ULBP3: variants seen among roughly 807,000 people sequenced by gnomAD.
ULBP3 encodes UL16 binding protein 3.
ULBP3 carries 25 observed loss-of-function variants against 24.9 expected under a neutral mutation model. The ratio of observed to expected loss-of-function variants is 1.00; its 90% CI spans 0.73 to 1.40. The LOEUF is 1.40. ULBP3 is among the 40% of genes most tolerant of loss of function. The probability of loss-of-function intolerance (pLI) is 0.00; values close to 1 mark genes in which losing one functional copy is unlikely to be tolerated. For missense variants in ULBP3, 306 were observed against 307.5 expected, an observed-to-expected ratio of 1.00 and a Z score of 0.04; for synonymous variants, 114 against 114.7, an observed-to-expected ratio of 0.99 and a Z score of 0.04.
intron 1 of ULBP3, 37 bp downstream of exon 1, chr6:150,068,942 G>T (rs1277991258): frequency 1.3e-6 from 2 of 1,558,012 alleles, no homozygotes; most frequent in African/African-American, 1.3e-5. Flanking sequence ...CCCCAGGTTT[G>T]GCCCCCGCCC....
In ULBP3 at chr6:150,065,908, T is replaced by C; in HGVS notation, c.343A>G (p.Thr115Ala). The C allele has an allele frequency of 1.2e-6, 2 of 1,614,132 alleles. No individual in the cohort carries two copies. The highest frequency in any genetic ancestry group is 1.1e-5 in the South Asian group (1 of 91,078). Residue 115 changes from threonine (T) to alanine (A), a missense_variant, in exon 2 of 5, where the codon ACA becomes GCA. Thr to Ala is a moderately conservative substitution (Grantham distance 58, BLOSUM62 0). Transcript: ENST00000367339. The stretch of plus-strand genomic sequence containing the variant: ...GGTCTCTTTCACTCACCACTGGGTG[T>C]GAAATCCTCCAGCTCAGTGTCAGCC... ...ELADTELEDF[T>A]PSGPLTLQVR...
intron 4 of ULBP3, among the ~76,000 whole-genome samples, chr6:150,064,253 G>C (rs1776313642): frequency 6.6e-6 from 1 of 152,266 alleles, no homozygotes; most frequent in Non-Finnish European, 1.5e-5. Context: ...AGTTCCTGCT[G>C]CCTGCAGGCC....
chr6:150,062,371 T>C lies in ULBP3; in HGVS notation c.*1003A>G, dbSNP rs956161684. Among the ~76,000 whole-genome samples, 1 of 152,188 alleles carries C rather than the reference T, an allele frequency of 6.6e-6. No individual in the cohort carries two copies. The highest frequency in any genetic ancestry group is 1.9e-4 in the East Asian group (1 of 5,192). On this transcript the variant is annotated 3_prime_UTR_variant, in exon 5 of 5. Transcript: ENST00000367339. ...TCACAGTTTTATTACCTGCGCAACA[T>C]AGGAAGACCCAATCTCTACCTAAAT...
chr6:150,067,386 A>C (rs935293167), intron 1 of ULBP3, among the ~76,000 whole-genome samples: 6 of 152,026 alleles, frequency 3.9e-5, no homozygotes, highest in African/African-American at 1.4e-4. Flanking sequence ...AACAGCAAAT[A>C]CTCAGACACT....
chr6:150,066,447 G>A (rs375924661), intron 1 of ULBP3, among the ~76,000 whole-genome samples: 18 of 152,330 alleles, frequency 1.2e-4, no homozygotes, highest in African/African-American at 3.6e-4. Context: ...GAGCAGCCCA[G>A]GTGGACTGCA....
intron 4 of ULBP3, 97 bp downstream of exon 4, chr6:150,064,488 G>C: frequency 6.3e-6 from 7 of 1,119,308 alleles, no homozygotes; most frequent in Non-Finnish European, 9.3e-6. Context: ...AGAAGGTCCC[G>C]GCCATGGGGA....
chr6:150,066,255 C>T, intron 1 of ULBP3, 93 bp from the exon 2 acceptor site: 1 of 1,400,982 alleles, frequency 7.1e-7, no homozygotes, highest in South Asian at 1.4e-5. Context: ...AAGGGCTGGG[C>T]TGGCAGAGCA....
Position 150,061,690 on chromosome 6 carries a change from A to G in ULBP3, c.*1684T>C, listed in dbSNP as rs938726664. Among the ~76,000 whole-genome samples, 2 of 152,218 alleles carry G rather than the reference A, an allele frequency of 1.3e-5. No homozygotes were observed. Among genetic ancestry groups the G allele is most frequent in the Admixed American group, 6.5e-5 (1 of 15,284 alleles). ...CTTAGGTTGATTCTGTGTCCTTGCT[A>G]GTAAGAATAGCACTGTAATGAACAT... On this transcript the variant is annotated 3_prime_UTR_variant, in exon 5 of 5. Coordinates refer to ENST00000367339, the MANE Select transcript of ULBP3 (RefSeq NM_024518.3).
Position 150,065,957 on chromosome 6 carries a change from C to A in ULBP3, c.294G>T (p.Val98=), listed in dbSNP as rs780058354. The A allele has an allele frequency of 6.2e-7, 1 of 1,614,232 alleles. No homozygotes were observed. Among genetic ancestry groups the A allele is most frequent in the Non-Finnish European group, 8.5e-7 (1 of 1,180,046 alleles). The change falls in exon 2 of 5, where the codon GTG becomes GTT. Residue 98 remains valine, a synonymous_variant. Transcript: ENST00000367339. ...WGKQLEMLRE[V]GQRLRLELAD... The stretch of plus-strand genomic sequence containing the variant: ...CCAGTTCCAGTCTGAGCCTCTGCCC[C>A]ACCTCTCTCAGCATTTCCAGTTGTT...
intron 4 of ULBP3, 35 bp downstream of exon 4, chr6:150,064,550 G>A: frequency 6.3e-7 from 1 of 1,578,256 alleles, no homozygotes; most frequent in Non-Finnish European, 8.7e-7. Context: ...TCACCCATCT[G>A]TCTCTCGTTC....
intron 1 of ULBP3, among the ~76,000 whole-genome samples, chr6:150,067,772 A>G (rs1192658745): frequency 3.9e-5 from 6 of 152,200 alleles, no homozygotes; most frequent in Admixed American, 3.9e-4. Context: ...TCCCAGAAGC[A>G]TGTGTGGTTG....
intron 1 of ULBP3, among the ~76,000 whole-genome samples, chr6:150,067,105 C>T (rs1202951172): frequency 1.3e-5 from 2 of 152,128 alleles, no homozygotes; most frequent in South Asian, 4.1e-4. Flanking sequence ...GATGGAGACT[C>T]CACCCGGATA....
rs118067943 is a variant in ULBP3, at chr6:150,065,380, T to C, written c.628+18A>G. ...GATGGCATCTCCAACATGCTCCCAG[T>C]GCTCCCCTGTCAGTTACCTGTGGGT... On this transcript the variant is annotated intron_variant, in intron 3 of 4. Coordinates refer to ENST00000367339, the MANE Select transcript of ULBP3 (RefSeq NM_024518.3). The C allele has an allele frequency of 8.0e-3, 12,860 of 1,612,712 alleles. 80 individuals carry two copies. The highest frequency in any genetic ancestry group is 9.3e-3 in the Non-Finnish European group (11,016 of 1,178,890).
At chr6:150,065,720 T>C in intron 2 of ULBP3, 47 bp from the exon 3 acceptor site, 2 of 1,603,910 alleles carry the variant, frequency 1.2e-6, no homozygotes, top group Middle Eastern at 1.7e-4. Context: ...CAAATTCTCT[T>C]CCCTGTCCCA....
Position 150,064,607 on chromosome 6 carries a change from T to A in ULBP3, c.735A>T (p.Ter245CysextTer11), listed in dbSNP as rs1425046132. The A allele has an allele frequency of 6.2e-7, 1 of 1,613,918 alleles. No homozygotes were observed. Among genetic ancestry groups the A allele is most frequent in the Admixed American group, 1.7e-5 (1 of 60,030 alleles). Residue 245 changes from the stop codon to cysteine, a stop_lost, in exon 4 of 5, where the codon TGA (stop) becomes TGT (cysteine). Transcript: ENST00000367339. ...IILCFILPGI[*>C] is the part of the protein sequence containing the mutation. ...TACCTGTCACTCTAAATGACTCTTC[T>A]CAGATGCCAGGGAGGATGAAGCAGA...
At chr6:150,064,817 T>G (rs2114791137) in intron 3 of ULBP3, 104 bp from the exon 4 acceptor site, 3 of 1,235,314 alleles carry the variant, frequency 2.4e-6, no homozygotes, top group Non-Finnish European at 3.4e-6. Flanking sequence ...GGCAGAGGAT[T>G]TGTCTCCCCT....
rs1028186521 is a variant in ULBP3 at position 150,062,965 on chromosome 6, G to A, written c.*409C>T. On this transcript the variant is annotated 3_prime_UTR_variant, in exon 5 of 5. Coordinates refer to ENST00000367339, the MANE Select transcript of ULBP3 (RefSeq NM_024518.3). ...AAAATACAAAAAATTAGCCGGGCGCGGTGGCGGGTGCCTGTAGTCCCAGCT... is the reference window on the plus strand; with the variant it reads ...AAAATACAAAAAATTAGCCGGGCGCAGTGGCGGGTGCCTGTAGTCCCAGCT... Among the ~76,000 whole-genome samples the A allele has an allele frequency of 4.2e-4, 63 of 151,724 alleles. No homozygotes were observed. Among genetic ancestry groups the A allele is most frequent in the Admixed American group, 1.4e-3 (22 of 15,254 alleles).
At position 150,066,124 on chromosome 6, in the gene ULBP3, A is replaced by AGTTCACACC; in HGVS notation, c.126_127insGGTGTGAAC (p.His42_Leu43insGlyValAsn). The AGTTCACACC allele has an allele frequency of 6.2e-7, 1 of 1,614,174 alleles. No individual in the cohort carries two copies. Among genetic ancestry groups the AGTTCACACC allele is most frequent in the Non-Finnish European group, 8.5e-7 (1 of 1,180,032 alleles). On this transcript the variant is annotated inframe_insertion, in exon 2 of 5. Coordinates refer to ENST00000367339, the MANE Select transcript of ULBP3 (RefSeq NM_024518.3). ...CACCACTGTTGCCCATGTCTGGGCA[A>AGTTCACACC]ATGAATGATGGTGAAGTTATACCAG...
At chr6:150,063,788 G>A (rs1582864381) in intron 4 of ULBP3, among the ~76,000 whole-genome samples, 1 of 152,190 alleles carries the variant, frequency 6.6e-6, no homozygotes, top group South Asian at 2.1e-4. Flanking sequence ...CTCTGAATGG[G>A]ACTGTCCCTG....
Sources: allele counts gnomAD v4.1 joint callset (sites outside exome capture counted in the v4.1 genomes callset), GRCh38; gene constraint gnomAD v4.1.1; transcripts MANE v1.5; gene names NCBI Gene and HGNC (gene_info 2026-07-23, HGNC 2026-07-21).